WDR25: variants seen among roughly 807,000 people sequenced by gnomAD.
WDR25 encodes the protein WD repeat-containing protein 25.
A neutral mutation model predicts 47.7 loss-of-function variants in WDR25; 35 were observed. The ratio of observed to expected loss-of-function variants is 0.73; its 90% CI spans 0.56 to 0.97. WDR25 has a LOEUF of 0.97. Ranked by LOEUF, WDR25 falls within the 50% of genes least tolerant of loss-of-function variation. The pLI is 0.00. For missense variants in WDR25, 634 were observed against 704.7 expected, an observed-to-expected ratio of 0.90 and a Z score of 1.14; for synonymous variants, 248 against 278.9, an observed-to-expected ratio of 0.89 and a Z score of 1.10.
intron 2 of WDR25, among the ~76,000 whole-genome samples, chr14:100,406,142 G>A (rs1346223737): frequency 6.6e-6 from 1 of 152,166 alleles, no homozygotes; most frequent in Non-Finnish European, 1.5e-5. Context: ...GTTCAAAGCA[G>A]AGGATGGAGA....
rs1035286603 is a variant in WDR25, at chr14:100,506,718, G to C, written c.1102-19152G>C. On this transcript the variant is annotated intron_variant, in intron 4 of 6. Transcript: ENST00000402312. This position sits in a 1 kb window ranked among gnomAD's most constrained non-coding sequence, Gnocchi z 4.8. ...TGGCTGCCTGTATGTCTTCTTTTGA[G>C]AAGTGTCTATTCATGTCTTTGGCCC... 2.6e-5 allele frequency among the ~76,000 whole-genome samples: 4 copies of C among 152,102 alleles called. No individual in the cohort carries two copies. The highest frequency in any genetic ancestry group is 9.7e-5 in the African/African-American group (4 of 41,392).
chr14:100,441,762 C>T (rs1009812663), intron 2 of WDR25, among the ~76,000 whole-genome samples: 2 of 152,198 alleles, frequency 1.3e-5, no homozygotes, highest in Non-Finnish European at 2.9e-5. Flanking sequence ...AGGAGGAAAG[C>T]CCCTGATTGG....
At chr14:100,473,935 G>A (rs115113780) in intron 3 of WDR25, among the ~76,000 whole-genome samples, 167 of 152,358 alleles carry the variant, frequency 1.1e-3, no homozygotes, top group African/African-American at 3.8e-3. Context: ...GTAGAAGAAA[G>A]CTTGTGGGCA....
chr14:100,432,364 T>C (rs1898365321), intron 2 of WDR25, among the ~76,000 whole-genome samples: 1 of 152,242 alleles, frequency 6.6e-6, no homozygotes, highest in African/African-American at 2.4e-5. Flanking sequence ...TTAGAAAGCT[T>C]ACTGTCACGA....
chr14:100,448,791 G>A (rs560495011), intron 2 of WDR25, among the ~76,000 whole-genome samples: 2 of 152,212 alleles, frequency 1.3e-5, no homozygotes, highest in African/African-American at 4.8e-5. Context: ...AGCCTACCTA[G>A]CTGCATGGAG....
At position 100,502,951 on chromosome 14, in the gene WDR25, G is replaced by C. The variant is rs949877109; in HGVS notation, c.1101+18827G>C. On this transcript the variant is annotated intron_variant, in intron 4 of 6. Coordinates refer to ENST00000402312, the MANE Select transcript of WDR25 (RefSeq NM_001161476.3). The surrounding 1 kb of genome is among the most constrained non-coding windows in gnomAD (Gnocchi z 4.5). Reference sequence around the variant, plus strand: ...GCTGGAGAACACGCAGTGTGTGTCTGTGAGTGTGTGTGTCTGTATGTGTGT... The same window carrying C: ...GCTGGAGAACACGCAGTGTGTGTCTCTGAGTGTGTGTGTCTGTATGTGTGT... Among the ~76,000 whole-genome samples the C allele has an allele frequency of 1.4e-5, 2 of 146,042 alleles. No individual in the cohort carries two copies. Among genetic ancestry groups the C allele is most frequent in the Non-Finnish European group, 2.9e-5 (2 of 67,962 alleles).
rs1424357898 is a variant in WDR25 at position 100,425,062 on chromosome 14, C to T, written c.823-42959C>T. Among the ~76,000 whole-genome samples, 1 of 152,204 alleles carries T rather than the reference C, an allele frequency of 6.6e-6. No homozygotes were observed. Among genetic ancestry groups the T allele is most frequent in the Non-Finnish European group, 1.5e-5 (1 of 68,036 alleles). ...TCATATCTTGCCAAGACAAGTGCAGCAGCCTCAGAAATGTTCTCCCCTGCC... is the reference window on the plus strand; with the variant it reads ...TCATATCTTGCCAAGACAAGTGCAGTAGCCTCAGAAATGTTCTCCCCTGCC... On this transcript the variant is annotated intron_variant, in intron 2 of 6. Transcript: ENST00000402312. The surrounding 1 kb of genome is among the most constrained non-coding windows in gnomAD (Gnocchi z 4.8).
chr14:100,512,706 C>T (rs553089505), intron 4 of WDR25, among the ~76,000 whole-genome samples: 17 of 151,938 alleles, frequency 1.1e-4, no homozygotes, highest in Non-Finnish European at 2.1e-4. Context: ...TATTCTTTTC[C>T]GATTATAGAT....
At chr14:100,462,230 A>G (rs1231294751) in intron 2 of WDR25, among the ~76,000 whole-genome samples, 1 of 152,134 alleles carries the variant, frequency 6.6e-6, no homozygotes, top group Non-Finnish European at 1.5e-5. Context: ...ACCATATTTT[A>G]CTTGTCATAT....
chr14:100,529,685 G>C lies in WDR25; in HGVS notation c.1414-135G>C. 3 of 999,136 alleles carry C rather than the reference G, an allele frequency of 3.0e-6. No homozygotes were observed. The highest frequency in any genetic ancestry group is 4.4e-6 in the Non-Finnish European group (3 of 688,890). The allele number at this position is 999,136 out of a possible 1,614,324, so 61.9% of individuals were successfully genotyped here. Reference sequence around the variant, plus strand: ...CCTCATGGGCGGGACCTGGGCTTTGGCCTCAGGGACACGAGGTGCGAAGCC... The same window carrying C: ...CCTCATGGGCGGGACCTGGGCTTTGCCCTCAGGGACACGAGGTGCGAAGCC... On this transcript the variant is annotated intron_variant, in intron 6 of 6. Transcript: ENST00000402312. The surrounding 1 kb of genome is among the most constrained non-coding windows in gnomAD (Gnocchi z 5.1).
chr14:100,390,933 G>GC (rs1897130602), intron 2 of WDR25, among the ~76,000 whole-genome samples: 1 of 152,190 alleles, frequency 6.6e-6, no homozygotes, highest in Non-Finnish European at 1.5e-5. Flanking sequence ...TTTAGAACGG[G>GC]CCGGCACTTC....
In WDR25 at chr14:100,498,538, A is replaced by C. The variant is rs1007399388; in HGVS notation, c.1101+14414A>C. 6.6e-6 allele frequency among the ~76,000 whole-genome samples: 1 copy of C among 151,936 alleles called. No homozygotes were observed. The highest frequency in any genetic ancestry group is 2.4e-5 in the African/African-American group (1 of 41,346). On this transcript the variant is annotated intron_variant, in intron 4 of 6. Coordinates refer to ENST00000402312, the MANE Select transcript of WDR25 (RefSeq NM_001161476.3). The surrounding 1 kb of genome is among the most constrained non-coding windows in gnomAD (Gnocchi z 4.2). Reference sequence around the variant, plus strand: ...CCTGCTGTTTATAGGGTGTCTTCCTAGTTTAGAGGATTCAGAGAAGCTGCA... The same window carrying C: ...CCTGCTGTTTATAGGGTGTCTTCCTCGTTTAGAGGATTCAGAGAAGCTGCA...
Position 100,381,565 on chromosome 14 carries a change from GC to G in WDR25, c.644del (p.Pro215ArgfsTer11). On this transcript the variant is annotated frameshift_variant, in exon 2 of 7. Transcript: ENST00000402312. LOFTEE classifies it high-confidence loss of function. ...AGRAPAPLYV[G>X]PGVSEFIQPY... ...CGTGCCCCAGCCCCTCTCTACGTGG[GC>G]CCGGGAGTGTCTGAGTTTATTCAGC... 3.7e-6 allele frequency: 6 copies of G among 1,609,794 alleles called. No homozygotes were observed. The highest frequency in any genetic ancestry group is 5.1e-6 in the Non-Finnish European group (6 of 1,177,064).
rs749225158 is a variant in WDR25, at chr14:100,529,770, C to G, written c.1414-50C>G. On this transcript the variant is annotated intron_variant, in intron 6 of 6. Coordinates refer to ENST00000402312, the MANE Select transcript of WDR25 (RefSeq NM_001161476.3). The surrounding 1 kb of genome is among the most constrained non-coding windows in gnomAD (Gnocchi z 5.1). ...CTCCTCTGTAGAATGGGCATACTCACCCCGGCTTGACAGGTGCGGCTTGCT... is the reference window on the plus strand; with the variant it reads ...CTCCTCTGTAGAATGGGCATACTCAGCCCGGCTTGACAGGTGCGGCTTGCT... 2 of 1,578,886 alleles carry G rather than the reference C, an allele frequency of 1.3e-6. No homozygotes were observed. The highest frequency in any genetic ancestry group is 2.3e-4 in the Middle Eastern group (1 of 4,350).
chr14:100,413,999 T>C (rs1897792525), intron 2 of WDR25, among the ~76,000 whole-genome samples: 1 of 70,118 alleles, frequency 1.4e-5, no homozygotes, highest in South Asian at 3.2e-4. Context: ...AGGTAGTTCA[T>C]TTTTTTTTTT....
chr14:100,530,162 C>T lies in WDR25; in HGVS notation c.*121C>T, dbSNP rs2030422026. 2 of 941,664 alleles carry T rather than the reference C, an allele frequency of 2.1e-6. No individual in the cohort carries two copies. The highest frequency in any genetic ancestry group is 1.6e-6 in the Non-Finnish European group (1 of 638,352). The allele number at this position is 941,664 out of a possible 1,614,324, so 58.3% of individuals were successfully genotyped here. ...TGGGTCCTGGGTACCACCTTCTGAG[C>T]CTCAGTTTCCTCATCTGTAAAGTGG... On this transcript the variant is annotated 3_prime_UTR_variant, in exon 7 of 7. Transcript: ENST00000402312.
At chr14:100,463,979 C>T (rs899547041) in intron 2 of WDR25, among the ~76,000 whole-genome samples, 4 of 152,184 alleles carry the variant, frequency 2.6e-5, no homozygotes, top group Non-Finnish European at 4.4e-5. Context: ...TCCTTCATCT[C>T]TCTTGCCCTT....
At chr14:100,520,923 T>A (rs2029870250) in intron 4 of WDR25, among the ~76,000 whole-genome samples, 2 of 152,212 alleles carry the variant, frequency 1.3e-5, no homozygotes, top group South Asian at 4.1e-4. Flanking sequence ...AGAAACCTTA[T>A]TTGTGCAGTT....
At chr14:100,418,683 G>A (rs924596839) in intron 2 of WDR25, among the ~76,000 whole-genome samples, 1 of 151,670 alleles carries the variant, frequency 6.6e-6, no homozygotes, top group Non-Finnish European at 1.5e-5. Flanking sequence ...CAGTAGTGCA[G>A]CCTGCCAGTC....
Sources: allele counts gnomAD v4.1 joint callset (sites outside exome capture counted in the v4.1 genomes callset), GRCh38; gene constraint gnomAD v4.1.1; non-coding constraint Gnocchi (gnomAD v3.1); transcripts MANE v1.5; gene names NCBI Gene and HGNC (gene_info 2026-07-23, HGNC 2026-07-21).